Variants in IDUA observed in about 807,000 individuals in gnomAD.
IDUA encodes the protein iduronidase alpha-L-.
IDUA carries 65 observed loss-of-function variants against 68.9 expected under a neutral mutation model. The ratio of observed to expected loss-of-function variants is 0.94; its 90% CI spans 0.77 to 1.16. The LOEUF is 1.16. Ranked by LOEUF, IDUA falls within the 50% of genes most tolerant of loss-of-function variation. The probability of loss-of-function intolerance (pLI) is 0.00; values close to 1 mark genes in which losing one functional copy is unlikely to be tolerated. For synonymous variants in IDUA, 529 were observed against 433.6 expected (o/e 1.22, Z -2.73); for missense variants, 1,046 against 938.0 (o/e 1.12, Z -1.50).
chr4:990,220 T>C, intron 2 of IDUA: 1 of 1,567,482 alleles, frequency 6.4e-7, no homozygotes, highest in Non-Finnish European at 8.6e-7. Context: ...GCCGGGCCCC[T>C]GGTGCCGCGG....
intron 2 of IDUA, chr4:989,497 CAG>C: frequency 1.3e-6 from 2 of 1,553,682 alleles, no homozygotes; most frequent in Non-Finnish European, 1.7e-6. Context: ...GACCAGCATA[CAG>C]GTGGCCGCGG....
Position 987,099 on chromosome 4 carries a change from C to A in IDUA, c.15C>A (p.Arg5=), listed in dbSNP as rs750154430. The change falls in exon 1 of 14, where the codon CGC becomes CGA. Residue 5 remains arginine, a synonymous_variant. Transcript: ENST00000514224. The part of the protein sequence containing the change: MRPL[R]PRAALLALLA... The stretch of plus-strand genomic sequence containing the variant: ...CACGCGTGGCCATGCGTCCCCTGCG[C>A]CCCCGCGCCGCGCTGCTGGCGCTCC... The A allele has an allele frequency of 2.0e-6, 3 of 1,463,780 alleles. No homozygotes were observed. The highest frequency in any genetic ancestry group is 1.8e-6 in the Non-Finnish European group (2 of 1,113,418). 90.7% of individuals were successfully genotyped at this position (1,463,780 alleles called of 1,614,324 possible). A position where few individuals can be genotyped will look rare whatever the true frequency, so the allele number is the denominator to read the frequency against.
intron 2 of IDUA, among the ~76,000 whole-genome samples, chr4:996,914 G>C (rs1164630689): frequency 6.6e-6 from 1 of 152,186 alleles, no homozygotes; most frequent in African/African-American, 2.4e-5. Flanking sequence ...GCCCACGCAG[G>C]ACAGGGGGCG....
intron 2 of IDUA, among the ~76,000 whole-genome samples, chr4:996,194 C>T (rs1401992656): frequency 1.3e-5 from 2 of 152,214 alleles, no homozygotes; most frequent in Non-Finnish European, 2.9e-5. Flanking sequence ...CAGTTGGGAG[C>T]TGTGCTGTAA....
At chr4:988,856 C>G in intron 2 of IDUA, 2 of 1,605,966 alleles carry the variant, frequency 1.2e-6, no homozygotes, top group Non-Finnish European at 1.7e-6. Context: ...TCGGTGGCCT[C>G]CAGCTCCCTG....
chr4:987,014 C>A, upstream of IDUA: 1 of 1,456,890 alleles, frequency 6.9e-7, no homozygotes. Flanking sequence ...GGGGTGCGCG[C>A]CCAGACTCCG....
chr4:989,436 C>T, intron 2 of IDUA: 1 of 1,554,254 alleles, frequency 6.4e-7, no homozygotes, highest in Non-Finnish European at 8.7e-7. Flanking sequence ...TGCGGCCGGC[C>T]AGGCTGAGCA....
chr4:988,068 G>T, intron 2 of IDUA, 119 bp downstream of exon 2: 1 of 1,465,352 alleles, frequency 6.8e-7, no homozygotes, highest in East Asian at 2.5e-5. Flanking sequence ...GAAGCACCCT[G>T]TTGGGGAGAG....
At chr4:990,160 T>G in intron 2 of IDUA, 1 of 1,563,682 alleles carries the variant, frequency 6.4e-7, no homozygotes, top group Non-Finnish European at 8.7e-7. Flanking sequence ...GTCGCACACG[T>G]TGGCCTGCCC....
chr4:987,719 C>T, intron 1 of IDUA, 90 bp from the exon 2 acceptor site: 13 of 1,581,708 alleles, frequency 8.2e-6, no homozygotes, highest in Non-Finnish European at 1.1e-5. Context: ...GGATCCTGCG[C>T]CCGGGCAGTC....
At chr4:997,423 CG>C (rs1714805466) in intron 2 of IDUA, among the ~76,000 whole-genome samples, 1 of 149,666 alleles carries the variant, frequency 6.7e-6, no homozygotes, top group African/African-American at 2.5e-5. Context: ...CATGCACGCG[CG>C]GCCCCGCCCC....
At chr4:991,026 T>C in intron 2 of IDUA, 1 of 1,232,564 alleles carries the variant, frequency 8.1e-7, no homozygotes, top group Non-Finnish European at 1.1e-6. Context: ...CAGCACCTCC[T>C]CTGCCAACCC....
intron 2 of IDUA, chr4:988,503 G>C (rs768174984): frequency 4.3e-6 from 5 of 1,155,432 alleles, no homozygotes; most frequent in Non-Finnish European, 5.3e-6. Flanking sequence ...CATGATGGCG[G>C]GGGACCCTTG....
Position 1,004,127 on chromosome 4 carries a change from C to T in IDUA, c.1828+15C>T, listed in dbSNP as rs374581052. 2.2e-5 allele frequency: 36 copies of T among 1,612,220 alleles called. No homozygotes were observed. The African/African-American group carries it at 2.4e-4, about 11-fold the overall frequency. ...GTTCAGCCCAGGTGCGCCCACCACC[C>T]GCTGCCCTGGACTCGGCCACCCCAT... On this transcript the variant is annotated intron_variant, in intron 13 of 13. Coordinates refer to ENST00000514224, the MANE Select transcript of IDUA (RefSeq NM_000203.5). The surrounding 1 kb of genome is among the most constrained non-coding windows in gnomAD (Gnocchi z 5.0).
In IDUA at chr4:1,003,132, A is replaced by G. The variant is rs1715216061; in HGVS notation, c.1499A>G (p.Gln500Arg). 4 of 1,430,938 alleles carry G rather than the reference A, an allele frequency of 2.8e-6. No individual in the cohort carries two copies. Among genetic ancestry groups the G allele is most frequent in the Admixed American group, 2.4e-5 (1 of 41,866 alleles). 88.6% of individuals were successfully genotyped at this position (1,430,938 alleles called of 1,614,324 possible). A position where few individuals can be genotyped will look rare whatever the true frequency, so the allele number is the denominator to read the frequency against. The change falls in exon 10 of 14, where the codon CAG (glutamine) becomes CGG (arginine). Residue 500 changes from glutamine to arginine, a missense_variant. Coordinates refer to ENST00000514224, the MANE Select transcript of IDUA (RefSeq NM_000203.5). The part of the protein sequence containing the change: ...LGRPVFPTAE[Q>R]FRRMRAAEDP... Reference sequence around the variant, plus strand: ...CGGCCCGTCTTCCCCACGGCAGAGCAGTTCCGGCGCATGCGCGCGGCTGAG... The same window carrying G: ...CGGCCCGTCTTCCCCACGGCAGAGCGGTTCCGGCGCATGCGCGCGGCTGAG...
intron 2 of IDUA, 75 bp downstream of exon 2, chr4:988,024 G>C: frequency 6.7e-7 from 1 of 1,499,412 alleles, no homozygotes; most frequent in East Asian, 2.5e-5. Flanking sequence ...GCTGGGGGCT[G>C]CTCGGAAGAC....
At chr4:987,434 G>T (rs1713822266) in intron 1 of IDUA, among the ~76,000 whole-genome samples, 192 bp downstream of exon 1, 1 of 152,154 alleles carries the variant, frequency 6.6e-6, no homozygotes, top group Non-Finnish European at 1.5e-5. Flanking sequence ...AGCCTGGGCC[G>T]CCCCCTGCAG....
rs747501255 is a variant in IDUA at position 989,028 on chromosome 4, G to A, written c.299+1079G>A. ...GCAGCAGGCTGATGCCCAGGGCCCCGTAGTCTCGGCGCAGGTCCTGCAGCG... is the reference window on the plus strand; with the variant it reads ...GCAGCAGGCTGATGCCCAGGGCCCCATAGTCTCGGCGCAGGTCCTGCAGCG... On this transcript the variant is annotated intron_variant, in intron 2 of 13. Coordinates refer to ENST00000514224, the MANE Select transcript of IDUA (RefSeq NM_000203.5). The A allele has an allele frequency of 2.3e-5, 37 of 1,583,368 alleles. No homozygotes were observed. In the East Asian group the frequency reaches 3.7e-4, roughly 16 times the overall value.
At chr4:989,395 CG>C (rs1714037816) in intron 2 of IDUA, 2 of 1,567,272 alleles carry the variant, frequency 1.3e-6, no homozygotes, top group Non-Finnish European at 1.7e-6. Context: ...GTCCCCGATG[CG>C]GGCCAGCAGG....
Sources: gnomAD v4.1 joint callset for allele counts (sites outside exome capture counted in the v4.1 genomes callset) on GRCh38, gnomAD v4.1.1 for gene constraint, Gnocchi (gnomAD v3.1) non-coding constraint, MANE v1.5 for transcripts, NCBI Gene and HGNC (gene_info 2026-07-23, HGNC 2026-07-21) for gene names.